KIF21B: variants seen among roughly 807,000 people sequenced by gnomAD.
The protein encoded by KIF21B is kinesin family member 21B.
Under a neutral mutation model 192.9 loss-of-function variants are expected in KIF21B, and 85 were observed. The ratio of observed to expected loss-of-function variants is 0.44; its 90% CI spans 0.37 to 0.53. KIF21B has a LOEUF of 0.53. Ranked by LOEUF, KIF21B falls within the 20% of genes least tolerant of loss-of-function variation. KIF21B has a pLI of 0.00. For missense variants in KIF21B, 1,716 were observed against 2,194.8 expected, an observed-to-expected ratio of 0.78 and a Z score of 4.36; for synonymous variants, 832 against 884.6, an observed-to-expected ratio of 0.94 and a Z score of 1.05.
intron 1 of KIF21B, among the ~76,000 whole-genome samples, chr1:201,010,909 G>A (rs369362845): frequency 6.6e-6 from 1 of 152,316 alleles, no homozygotes; most frequent in Non-Finnish European, 1.5e-5. Context: ...GGTGGGGAAA[G>A]CCCAGCGGGG....
chr1:201,023,466 G>A lies in KIF21B; in HGVS notation c.-83C>T. 9.2e-7 allele frequency: 1 copy of A among 1,082,612 alleles called. No homozygotes were observed. Among genetic ancestry groups the A allele is most frequent in the Non-Finnish European group, 1.2e-6 (1 of 841,814 alleles). 67.1% of individuals were successfully genotyped at this position (1,082,612 alleles called of 1,614,324 possible). On this transcript the variant is annotated 5_prime_UTR_variant, in exon 1 of 35. Transcript: ENST00000461742. This position sits in a 1 kb window ranked among gnomAD's most constrained non-coding sequence, Gnocchi z 5.9. Reference sequence around the variant, plus strand: ...CCCGAGGCAGCGGCTGCGGCTGCGGGAGGCGGGGGCGCGGGCGCGGCTGGC... The same window carrying A: ...CCCGAGGCAGCGGCTGCGGCTGCGGAAGGCGGGGGCGCGGGCGCGGCTGGC...
chr1:200,981,511 C>T (rs796677700), intron 28 of KIF21B, among the ~76,000 whole-genome samples: 1 of 152,212 alleles, frequency 6.6e-6, no homozygotes, highest in South Asian at 2.1e-4. Context: ...CCACCAGAAG[C>T]TGCATGCTGC....
chr1:200,984,977 T>C lies in KIF21B; in HGVS notation c.3690-5A>G, dbSNP rs1239782018. ...GTGAATCCCACATCTGTGGACCTGGTGAGTCGGGACAGAGGGCAGCCTGTT... is the reference window on the plus strand; with the variant it reads ...GTGAATCCCACATCTGTGGACCTGGCGAGTCGGGACAGAGGGCAGCCTGTT... On this transcript the variant is annotated splice_region_variant and splice_polypyrimidine_tract_variant and intron_variant, in intron 26 of 34. Transcript: ENST00000461742. The C allele has an allele frequency of 2.5e-6, 4 of 1,602,326 alleles. No homozygotes were observed. In the Admixed American group the frequency reaches 6.9e-5, roughly 28 times the overall value.
chr1:200,975,955 C>T lies in KIF21B; in HGVS notation c.4444-286G>A, dbSNP rs751062039. Among the ~76,000 whole-genome samples, 9 of 152,094 alleles carry T rather than the reference C, an allele frequency of 5.9e-5. No homozygotes were observed. Among genetic ancestry groups the T allele is most frequent in the Non-Finnish European group, 1.2e-4 (8 of 68,004 alleles). ...AATGCAGGGGTGAATCAGCTCATCA[C>T]GCCGAGACCCCACAGCTCAACAGGC... On this transcript the variant is annotated intron_variant, in intron 32 of 34. Coordinates refer to ENST00000461742, the MANE Select transcript of KIF21B (RefSeq NM_001252102.2). This position sits in a 1 kb window ranked among gnomAD's most constrained non-coding sequence, Gnocchi z 4.3.
intron 5 of KIF21B, among the ~76,000 whole-genome samples, 160 bp downstream of exon 5, chr1:201,005,148 C>T (rs1657734134): frequency 6.6e-6 from 1 of 152,250 alleles, no homozygotes; most frequent in South Asian, 2.1e-4. Context: ...AGCCATTTTA[C>T]AAATTGGGCA....
chr1:201,002,104 G>A, intron 9 of KIF21B, 57 bp downstream of exon 9: 2 of 1,496,154 alleles, frequency 1.3e-6, no homozygotes, highest in Non-Finnish European at 1.8e-6. Flanking sequence ...GTGGATGTCG[G>A]GGGAGGGAGT....
At chr1:200,993,779 AAGAG>A (rs1553239614) in intron 15 of KIF21B, among the ~76,000 whole-genome samples, 9 of 149,158 alleles carry the variant, frequency 6.0e-5, no homozygotes, top group Non-Finnish European at 1.0e-4. Context: ...AAAAAAAAAA[AAGAG>A]AGAGAAAGAA....
In KIF21B at chr1:200,992,409, T is replaced by C. The variant is rs1168261367; in HGVS notation, c.2278-20A>G. On this transcript the variant is annotated intron_variant, in intron 15 of 34. Coordinates refer to ENST00000461742, the MANE Select transcript of KIF21B (RefSeq NM_001252102.2). ...GGCCACCTGGGATGGGCAGAGATTA[T>C]GGTGGTGAGACAGGGCTGGGAGGCA... The C allele has an allele frequency of 1.2e-6, 2 of 1,610,612 alleles. No homozygotes were observed.
chr1:200,997,611 C>T (rs1230349429), intron 14 of KIF21B, among the ~76,000 whole-genome samples: 1 of 152,116 alleles, frequency 6.6e-6, no homozygotes, highest in African/African-American at 2.4e-5. Context: ...GGCGTGGTGG[C>T]GGGCGCTTGT....
At chr1:200,988,581 A>C in intron 22 of KIF21B, 37 bp from the exon 23 acceptor site, 1 of 1,529,864 alleles carries the variant, frequency 6.5e-7, no homozygotes, top group Admixed American at 1.9e-5. Context: ...GGGGTTGAGA[A>C]GCCCTGTCCA....
chr1:200,990,285 C>T lies in KIF21B; in HGVS notation c.2883G>A (p.Arg961=), dbSNP rs1428618945. Residue 961 remains arginine (R), a synonymous_variant, in exon 20 of 35, where the codon CGG becomes CGA. Coordinates refer to ENST00000461742, the MANE Select transcript of KIF21B (RefSeq NM_001252102.2). The surrounding 1 kb of genome is among the most constrained non-coding windows in gnomAD (Gnocchi z 5.4). ...CGGGGCTCTCAGCCTGCAGCCGCTC[C>T]CGCTTCCTCCGCAGTGCCTCCTGCA... ...FLLQEALRRK[R]ERLQAESPEE... The T allele has an allele frequency of 6.2e-7, 1 of 1,613,632 alleles. No homozygotes were observed. The highest frequency in any genetic ancestry group is 8.5e-7 in the Non-Finnish European group (1 of 1,179,910).
At chr1:200,979,145 G>A (rs1318652540) in intron 30 of KIF21B, among the ~76,000 whole-genome samples, 2 of 152,172 alleles carry the variant, frequency 1.3e-5, no homozygotes, top group East Asian at 1.9e-4. Flanking sequence ...TGAGACTGTC[G>A]GGGCAGGGCT....
In KIF21B at chr1:201,000,960, A is replaced by G. The variant is rs562609785; in HGVS notation, c.1403-180T>C. 6.6e-6 allele frequency among the ~76,000 whole-genome samples: 1 copy of G among 152,224 alleles called. No individual in the cohort carries two copies. Among genetic ancestry groups the G allele is most frequent in the East Asian group, 1.9e-4 (1 of 5,172 alleles). On this transcript the variant is annotated intron_variant, in intron 9 of 34. Coordinates refer to ENST00000461742, the MANE Select transcript of KIF21B (RefSeq NM_001252102.2). The surrounding 1 kb of genome is among the most constrained non-coding windows in gnomAD (Gnocchi z 6.0). ...CCGTCTCTACTAAAAATACAAAATT[A>G]GCCGGGCGTGGTGGCGCATGCCTCT...
intron 24 of KIF21B, 67 bp downstream of exon 24, chr1:200,988,229 A>G: frequency 7.1e-7 from 1 of 1,415,136 alleles, no homozygotes; most frequent in Non-Finnish European, 1.0e-6. Flanking sequence ...AGCCACAGTA[A>G]GCGGTGAACA....
At chr1:200,984,788 G>C in intron 27 of KIF21B, 71 bp downstream of exon 27, 1 of 1,214,504 alleles carries the variant, frequency 8.2e-7, no homozygotes, top group East Asian at 2.8e-5. Flanking sequence ...CCCTCCTCCA[G>C]CAAGGACCAT....
chr1:200,993,204 G>A (rs986880749), intron 15 of KIF21B, among the ~76,000 whole-genome samples: 9 of 152,240 alleles, frequency 5.9e-5, no homozygotes, highest in Non-Finnish European at 7.3e-5. Flanking sequence ...CGGGCCCTGC[G>A]GCATCTGCCT....
In KIF21B at chr1:201,023,467, A is replaced by C; in HGVS notation, c.-84T>G. The C allele has an allele frequency of 1.9e-6, 2 of 1,069,748 alleles. No homozygotes were observed. The highest frequency in any genetic ancestry group is 2.4e-6 in the Non-Finnish European group (2 of 831,536). 66.3% of individuals were successfully genotyped at this position (1,069,748 alleles called of 1,614,324 possible). A position where few individuals can be genotyped will look rare whatever the true frequency, so the allele number is the denominator to read the frequency against. On this transcript the variant is annotated 5_prime_UTR_variant, in exon 1 of 35. Transcript: ENST00000461742. This position sits in a 1 kb window ranked among gnomAD's most constrained non-coding sequence, Gnocchi z 5.9. ...CCGAGGCAGCGGCTGCGGCTGCGGG[A>C]GGCGGGGGCGCGGGCGCGGCTGGCG...
chr1:201,021,536 G>C (rs966931315), intron 1 of KIF21B, among the ~76,000 whole-genome samples: 2 of 152,238 alleles, frequency 1.3e-5, no homozygotes, highest in African/African-American at 4.8e-5. Context: ...GGGCAGGCAT[G>C]ATCCCTTCTC....
intron 26 of KIF21B, among the ~76,000 whole-genome samples, chr1:200,985,357 G>A (rs76172297): frequency 0.26 from 39,008 of 151,950 alleles, 5,994 homozygotes; most frequent in African/African-American, 0.43. Context: ...GCATGGTGGT[G>A]CATGCCTGTA....
Sources: gnomAD v4.1 joint callset for allele counts (sites outside exome capture counted in the v4.1 genomes callset) on GRCh38, gnomAD v4.1.1 for gene constraint, Gnocchi (gnomAD v3.1) non-coding constraint, MANE v1.5 for transcripts, NCBI Gene and HGNC (gene_info 2026-07-23, HGNC 2026-07-21) for gene names.